PRRC2B: variants seen among roughly 807,000 people sequenced by gnomAD.
PRRC2B encodes the protein protein PRRC2B.
PRRC2B carries 68 observed loss-of-function variants against 242.3 expected under a neutral mutation model. The ratio of observed to expected loss-of-function variants is 0.28; its 90% CI spans 0.23 to 0.34. The LOEUF (loss-of-function observed/expected upper bound fraction) is 0.34. PRRC2B is among the 10% of genes least tolerant of loss of function. PRRC2B has a pLI of 1.00. For missense variants in PRRC2B, 2,835 were observed against 2,954.8 expected (o/e 0.96, Z 0.94); for synonymous variants, 1,228 against 1,173.6 (o/e 1.05, Z -0.95).
rs1341086415 is a variant in PRRC2B at position 131,447,781 on chromosome 9, C to T, written c.1097C>T (p.Ala366Val). ...CTGAAGGGCCTTGACGATCTGGACG[C>T]CGATGCCGATGATGGCTGGGCAGGT... ...ENLKGLDDLD[A>V]DADDGWAGLH... The change falls in exon 9 of 32, where the codon GCC becomes GTC. Residue 366 changes from alanine to valine, a missense_variant. Around this residue, in one of 7 missense-constraint regions of PRRC2B, gnomAD observed 626 missense variants for 685.5 expected, o/e 0.91. Coordinates refer to ENST00000683519, the MANE Select transcript of PRRC2B (RefSeq NM_013318.4). 6.2e-7 allele frequency: 1 copy of T among 1,613,068 alleles called. No homozygotes were observed. Among genetic ancestry groups the T allele is most frequent in the South Asian group, 1.1e-5 (1 of 91,044 alleles).
chr9:131,478,656 G>T, intron 18 of PRRC2B, 37 bp downstream of exon 18: 1 of 1,407,148 alleles, frequency 7.1e-7, no homozygotes. Flanking sequence ...GGGGCTGGAG[G>T]GCAGGCTGGC....
intron 10 of PRRC2B, among the ~76,000 whole-genome samples, chr9:131,456,123 G>GA (rs907022359): frequency 4.9e-5 from 7 of 143,100 alleles, no homozygotes; most frequent in East Asian, 2.1e-4. Flanking sequence ...AAAGGAAAAA[G>GA]AAAAAAAAAA....
chr9:131,422,735 G>C (rs1837877698), intron 1 of PRRC2B, among the ~76,000 whole-genome samples: 1 of 152,208 alleles, frequency 6.6e-6, no homozygotes, highest in African/African-American at 2.4e-5. Context: ...GCGGGGCTTG[G>C]ATGTGAAGTT....
chr9:131,489,507 C>A (rs1944124252), intron 28 of PRRC2B, among the ~76,000 whole-genome samples: 1 of 152,114 alleles, frequency 6.6e-6, no homozygotes, highest in Admixed American at 6.5e-5. Context: ...TTGTCATCCT[C>A]CCCCTTGGCC....
chr9:131,403,866 A>G (rs547869229), intron 1 of PRRC2B, among the ~76,000 whole-genome samples: 5 of 152,162 alleles, frequency 3.3e-5, no homozygotes, highest in African/African-American at 1.2e-4. Context: ...GCAACTTGGC[A>G]TTTTCAAAAT....
chr9:131,440,553 T>C (rs1456980671), intron 5 of PRRC2B, among the ~76,000 whole-genome samples: 4 of 152,214 alleles, frequency 2.6e-5, no homozygotes, highest in Non-Finnish European at 2.9e-5. Context: ...CCCTTTGACC[T>C]AGCAAGTGCA....
chr9:131,498,727 G>T lies in PRRC2B; in HGVS notation c.*2853G>T, dbSNP rs1241780507. On this transcript the variant is annotated 3_prime_UTR_variant, in exon 32 of 32. Coordinates refer to ENST00000683519, the MANE Select transcript of PRRC2B (RefSeq NM_013318.4). ...CTGCTGCTGAGGTAGGGATTGGGGG[G>T]TCAGAACCCACTCACTTTTGCCTGT... 1 of 152,226 alleles carries T rather than the reference G, an allele frequency of 6.6e-6. No individual in the cohort carries two copies. The highest frequency in any genetic ancestry group is 1.5e-5 in the Non-Finnish European group (1 of 68,058). 9.4% of individuals were successfully genotyped at this position (152,226 alleles called of 1,614,324 possible). A position where few individuals can be genotyped will look rare whatever the true frequency, so the allele number is the denominator to read the frequency against.
intron 5 of PRRC2B, among the ~76,000 whole-genome samples, chr9:131,442,617 G>A (rs974566467): frequency 6.6e-6 from 1 of 152,132 alleles, no homozygotes; most frequent in Admixed American, 6.6e-5. Context: ...CGGCACAGTC[G>A]GCTTTAGTGA....
Position 131,436,674 on chromosome 9 carries a change from G to C in PRRC2B, c.348G>C (p.Gln116His), listed in dbSNP as rs1246281949. 3 of 1,614,058 alleles carry C rather than the reference G, an allele frequency of 1.9e-6. No individual in the cohort carries two copies. Among genetic ancestry groups the C allele is most frequent in the African/African-American group, 1.3e-5 (1 of 75,070 alleles). Residue 116 changes from glutamine (Q) to histidine (H), a missense_variant, in exon 4 of 32, where the codon CAG becomes CAC. Transcript: ENST00000683519. The stretch of plus-strand genomic sequence containing the variant: ...AGTCGCTGCCGCAGCCGGGTTTGCA[G>C]AAATCTGTCTCCAATTTGCAGAAAC... ...PPESLPQPGLQKSVSNLQKPT... is the reference protein window; with the variant it reads ...PPESLPQPGLHKSVSNLQKPT...
rs535540011 is a variant in PRRC2B at position 131,496,006 on chromosome 9, C to T, written c.*132C>T. On this transcript the variant is annotated 3_prime_UTR_variant, in exon 32 of 32. Transcript: ENST00000683519. ...TGGCCCAGACTGAGAGACCTCCCTC[C>T]TCTCCACTCCCGAAAGCTCCGTTGT... is the stretch of plus-strand genomic sequence containing the variant. 9 of 1,241,640 alleles carry T rather than the reference C, an allele frequency of 7.2e-6. No homozygotes were observed. In the South Asian group the frequency reaches 7.4e-5, roughly 10 times the overall value. The allele number at this position is 1,241,640 out of a possible 1,614,324, so 76.9% of individuals were successfully genotyped here. A position where few individuals can be genotyped will look rare whatever the true frequency, so the allele number is the denominator to read the frequency against.
At chr9:131,488,426 G>A (rs2131475659) in intron 28 of PRRC2B, among the ~76,000 whole-genome samples, 2 of 152,238 alleles carry the variant, frequency 1.3e-5, no homozygotes, top group African/African-American at 4.8e-5. Flanking sequence ...ACTGTGCCTG[G>A]CTAATTTTTG....
intron 9 of PRRC2B, among the ~76,000 whole-genome samples, chr9:131,452,656 A>G (rs1162919863): frequency 6.6e-6 from 1 of 152,120 alleles, no homozygotes; most frequent in African/African-American, 2.4e-5. Context: ...AGCAGCTTTT[A>G]GCATTGTTCA....
At chr9:131,420,502 T>C (rs1334891850) in intron 1 of PRRC2B, among the ~76,000 whole-genome samples, 13 of 97,924 alleles carry the variant, frequency 1.3e-4, no homozygotes, top group African/African-American at 2.1e-4. Flanking sequence ...TCTTTTTTTT[T>C]TTTTTTTTGA....
chr9:131,398,999 G>T (rs1245134031), intron 1 of PRRC2B, among the ~76,000 whole-genome samples: 1 of 151,582 alleles, frequency 6.6e-6, no homozygotes, highest in Non-Finnish European at 1.5e-5. Context: ...AAGTAGGTCG[G>T]GCACGGTGGC....
chr9:131,470,941 C>T lies in PRRC2B; in HGVS notation c.2065C>T (p.Arg689Trp), dbSNP rs371967847. Residue 689 changes from arginine (R) to tryptophan (W), a missense_variant, in exon 14 of 32, where the codon CGG becomes TGG. By Grantham distance (101) the Arg-to-Trp change is moderately radical (BLOSUM62 -3). Transcript: ENST00000683519. Reference protein sequence around the residue: ...SYMDPRITPTRTPVDFYPSAL... With the variant: ...SYMDPRITPTWTPVDFYPSAL... ...CATGGACCCACGTATCACGCCCACTCGGACCCCGGTGGACTTCTACCCCTC... is the reference window on the plus strand; with the variant it reads ...CATGGACCCACGTATCACGCCCACTTGGACCCCGGTGGACTTCTACCCCTC... 18 of 1,612,220 alleles carry T rather than the reference C, an allele frequency of 1.1e-5. No homozygotes were observed. Among genetic ancestry groups the T allele is most frequent in the Admixed American group, 1.7e-5 (1 of 59,760 alleles).
chr9:131,432,307 G>C (rs1017730873), intron 2 of PRRC2B, among the ~76,000 whole-genome samples: 9 of 152,136 alleles, frequency 5.9e-5, no homozygotes, highest in African/African-American at 2.2e-4. Context: ...CTGTAAGCTG[G>C]AGGTTCCTGG....
At chr9:131,483,910 G>C (rs1943942747) in intron 23 of PRRC2B, among the ~76,000 whole-genome samples, 1 of 152,244 alleles carries the variant, frequency 6.6e-6, no homozygotes, top group South Asian at 2.1e-4. Flanking sequence ...AGCTGAGGCT[G>C]TCGCAGTGAC....
At chr9:131,384,172 CTCTG>C (rs1296614005) in intron 1 of PRRC2B, among the ~76,000 whole-genome samples, 1 of 148,784 alleles carries the variant, frequency 6.7e-6, no homozygotes, top group Non-Finnish European at 1.5e-5. Flanking sequence ...TCACTGCAAC[CTCTG>C]TCTGCCTCCC....
intron 17 of PRRC2B, among the ~76,000 whole-genome samples, 160 bp from the exon 18 acceptor site, chr9:131,478,314 G>C (rs1056879205): frequency 2.6e-5 from 4 of 152,160 alleles, no homozygotes; most frequent in Non-Finnish European, 5.9e-5. Context: ...TTGGTTTGGG[G>C]TAACAATGTG....
Sources: gnomAD v4.1 joint callset for allele counts (sites outside exome capture counted in the v4.1 genomes callset) on GRCh38, gnomAD v4.1.1 for gene constraint, gnomAD v4.1.1 regional missense constraint, MANE v1.5 for transcripts, NCBI Gene and HGNC (gene_info 2026-07-23, HGNC 2026-07-21) for gene names.